GK5: variants seen among roughly 807,000 people sequenced by gnomAD.
The protein encoded by GK5 is glycerol kinase 5.
Under a neutral mutation model 77.3 loss-of-function variants are expected in GK5, and 39 were observed. That is an observed-to-expected ratio of 0.50 (90% confidence interval 0.39 to 0.66). The LOEUF (loss-of-function observed/expected upper bound fraction) is 0.66, where lower values mean the gene tolerates loss of function less well. Among genes scored for constraint, GK5 ranks in the 30% least tolerant of loss-of-function variants. GK5 has a pLI of 0.00. For synonymous variants in GK5, 211 were observed against 208.0 expected, an observed-to-expected ratio of 1.01 and a Z score of -0.13; for missense variants, 487 against 633.8, an observed-to-expected ratio of 0.77 and a Z score of 2.49.
rs1242725486 is a variant in GK5 at position 142,183,030 on chromosome 3, GCTGATTGCTGGTCAGCAAC to G, written c.817_835del (p.Val273ProfsTer13). ...CTGGAAGCAGCACTCTCCAAACATG[GCTGATTGCTGGTCAGCAAC>G]CTACCAAAAATGTTCAAATGTAAAC... On this transcript the variant is annotated frameshift_variant and splice_region_variant, in exon 10 of 16. Coordinates refer to ENST00000392993, the MANE Select transcript of GK5 (RefSeq NM_001039547.3). LOFTEE classifies it high-confidence loss of function. 6.2e-7 allele frequency: 1 copy of G among 1,613,708 alleles called. No homozygotes were observed. Among genetic ancestry groups the G allele is most frequent in the East Asian group, 2.2e-5 (1 of 44,850 alleles).
In GK5 at chr3:142,159,745, G is replaced by C. The variant is rs966962036; in HGVS notation, c.*5877C>G. The C allele has an allele frequency of 1.3e-5, 2 of 151,888 alleles. No homozygotes were observed. The highest frequency in any genetic ancestry group is 3.9e-4 in the East Asian group (2 of 5,194). 9.4% of individuals were successfully genotyped at this position (151,888 alleles called of 1,614,324 possible). A position where few individuals can be genotyped will look rare whatever the true frequency, so the allele number is the denominator to read the frequency against. ...TTAGATTACCCATTTTGACTGGTTC[G>C]AACCAGAAGACCTGGCTTTGGGTTT... On this transcript the variant is annotated 3_prime_UTR_variant, in exon 16 of 16. Transcript: ENST00000392993.
chr3:142,190,430 G>A (rs1047009955), intron 5 of GK5, among the ~76,000 whole-genome samples: 6 of 152,168 alleles, frequency 3.9e-5, no homozygotes, highest in African/African-American at 1.4e-4. Flanking sequence ...TGAGGTCCTA[G>A]GGCAATGGCC....
At chr3:142,176,631 CACA>C (rs1385484615) in intron 12 of GK5, among the ~76,000 whole-genome samples, 2 of 150,682 alleles carry the variant, frequency 1.3e-5, no homozygotes, top group East Asian at 3.9e-4. Flanking sequence ...AATACTCCAC[CACA>C]ACAATTAATG....
At chr3:142,216,592 T>G (rs1355417927) in intron 1 of GK5, among the ~76,000 whole-genome samples, 2 of 151,762 alleles carry the variant, frequency 1.3e-5, no homozygotes, top group Non-Finnish European at 2.9e-5. Context: ...CCGAGTGGAG[T>G]AATAAAAGCC....
chr3:142,164,482 T>C lies in GK5; in HGVS notation c.*1140A>G, dbSNP rs1482696940. 6.6e-6 allele frequency: 1 copy of C among 152,240 alleles called. No individual in the cohort carries two copies. Among genetic ancestry groups the C allele is most frequent in the Admixed American group, 6.5e-5 (1 of 15,284 alleles). 9.4% of individuals were successfully genotyped at this position (152,240 alleles called of 1,614,324 possible). On this transcript the variant is annotated 3_prime_UTR_variant, in exon 16 of 16. Transcript: ENST00000392993. ...ACTCACGACTTACTCCTCCTCACTG[T>C]TTCTTCCAAGAAAGTCTAAGCATGT...
intron 2 of GK5, among the ~76,000 whole-genome samples, chr3:142,214,938 A>G (rs2064250969): frequency 6.6e-6 from 1 of 152,228 alleles, no homozygotes; most frequent in Non-Finnish European, 1.5e-5. Flanking sequence ...GATATACAAG[A>G]GTTTATTGTA....
chr3:142,219,234 C>T (rs185182196), intron 1 of GK5, among the ~76,000 whole-genome samples: 9 of 152,146 alleles, frequency 5.9e-5, no homozygotes, highest in African/African-American at 2.2e-4. Context: ...TAAGGTTGTA[C>T]ACAGGACTGG....
chr3:142,179,745 T>C (rs1196131913), intron 11 of GK5, among the ~76,000 whole-genome samples: 2 of 152,206 alleles, frequency 1.3e-5, no homozygotes, highest in East Asian at 3.8e-4. Flanking sequence ...ACTTAATCTG[T>C]TGTCAAATAA....
Position 142,177,569 on chromosome 3 carries a change from GA to G in GK5, c.1055del (p.Phe352SerfsTer33). ...TTTTTTCAGTCTCAGCAGCATCTGT[GA>G]AAAGGTCTGCAAAAACAAACAAACA... ...AIKWAQQLDL[F>X]TDAAETEKMA... On this transcript the variant is annotated frameshift_variant, in exon 12 of 16. Coordinates refer to ENST00000392993, the MANE Select transcript of GK5 (RefSeq NM_001039547.3). LOFTEE classifies it high-confidence loss of function. The G allele has an allele frequency of 1.2e-6, 2 of 1,603,796 alleles. No homozygotes were observed. The highest frequency in any genetic ancestry group is 1.7e-6 in the Non-Finnish European group (2 of 1,172,872).
intron 4 of GK5, among the ~76,000 whole-genome samples, chr3:142,199,567 T>G (rs1364483773): frequency 6.6e-6 from 1 of 152,166 alleles, no homozygotes; most frequent in Non-Finnish European, 1.5e-5. Context: ...TTCTTTCCTA[T>G]TAGAAATTAA....
intron 3 of GK5, among the ~76,000 whole-genome samples, chr3:142,211,115 A>G (rs914941694): frequency 1.2e-4 from 18 of 152,190 alleles, no homozygotes; most frequent in African/African-American, 3.4e-4. Flanking sequence ...ATCTACACCA[A>G]TGGTTCCAAA....
intron 3 of GK5, 132 bp downstream of exon 3, chr3:142,213,394 C>T (rs1274762012): frequency 4.7e-6 from 3 of 641,100 alleles, no homozygotes; most frequent in Non-Finnish European, 8.5e-6. Context: ...AAAGCAGGCA[C>T]ATTTCATCCC....
intron 12 of GK5, among the ~76,000 whole-genome samples, chr3:142,173,590 A>G (rs532175929): frequency 1.3e-5 from 2 of 152,286 alleles, no homozygotes; most frequent in East Asian, 3.9e-4. Flanking sequence ...AGGCTGAGGC[A>G]GGAGAATGGC....
chr3:142,200,096 TATAC>T (rs2063995820), intron 4 of GK5, among the ~76,000 whole-genome samples: 1 of 147,644 alleles, frequency 6.8e-6, no homozygotes, highest in East Asian at 1.9e-4. Context: ...TCTATATATA[TATAC>T]ACACACACAC....
intron 9 of GK5, 185 bp downstream of exon 9, chr3:142,185,744 C>A: frequency 6.5e-7 from 1 of 1,547,956 alleles, no homozygotes; most frequent in Non-Finnish European, 8.7e-7. Flanking sequence ...CTCAATGGTC[C>A]CCTTCCCAAA....
intron 9 of GK5, chr3:142,185,643 A>T (rs75800406): frequency 2.0e-5 from 24 of 1,195,432 alleles, no homozygotes; most frequent in East Asian, 1.1e-4. Flanking sequence ...ACTCAGAATT[A>T]AAAAAAATTT....
At chr3:142,204,530 C>T (rs1486610671) in intron 4 of GK5, 165 bp downstream of exon 4, 1 of 680,782 alleles carries the variant, frequency 1.5e-6, no homozygotes, top group African/African-American at 1.8e-5. Context: ...TGAAGTCTAC[C>T]ACATACGCCT....
rs557785281 is a variant in GK5 at position 142,215,413 on chromosome 3, C to T, written c.241+186G>A. Among the ~76,000 whole-genome samples the T allele has an allele frequency of 6.2e-4, 95 of 152,192 alleles. 1 individual carries two copies. Among genetic ancestry groups the T allele is most frequent in the Non-Finnish European group, 2.5e-4 (17 of 67,998 alleles). ...AAACCAGAGGACACAGCAGATGTTA[C>T]CTTTCCCTGACAAAGGAGCTCACTG... On this transcript the variant is annotated intron_variant, in intron 2 of 15. Transcript: ENST00000392993.
chr3:142,204,882 T>C, intron 3 of GK5, 94 bp from the exon 4 acceptor site: 1 of 678,292 alleles, frequency 1.5e-6, no homozygotes, highest in East Asian at 2.6e-5. Flanking sequence ...GAGGCCATAC[T>C]GTAATTGCAA....
Sources: allele counts gnomAD v4.1 joint callset (sites outside exome capture counted in the v4.1 genomes callset), GRCh38; gene constraint gnomAD v4.1.1; transcripts MANE v1.5; gene names NCBI Gene and HGNC (gene_info 2026-07-23, HGNC 2026-07-21).